TENM2: variants seen among roughly 807,000 people sequenced by gnomAD.
TENM2 encodes the protein teneurin transmembrane protein 2.
A neutral mutation model predicts 245.2 loss-of-function variants in TENM2; 52 were observed. The ratio of observed to expected loss-of-function variants is 0.21; its 90% confidence interval spans 0.17 to 0.27. The LOEUF is 0.27. TENM2 is among the 10% of genes least tolerant of loss of function. The probability of loss-of-function intolerance (pLI) is 1.00; values close to 1 mark genes in which losing one functional copy is unlikely to be tolerated. For synonymous variants in TENM2, 1,363 were observed against 1,438.9 expected (o/e 0.95, Z 1.19); for missense variants, 3,046 against 3,666.8 (o/e 0.83, Z 4.37).
chr5:167,576,332 T>C (rs1774682085), intron 2 of TENM2, among the ~76,000 whole-genome samples: 1 of 15,628 alleles, frequency 6.4e-5, no homozygotes, highest in Admixed American at 7.4e-4. Context: ...GAAAAGAGCA[T>C]TTTTTTTTTT....
At chr5:168,221,057 A>G (rs891811048) in intron 23 of TENM2, among the ~76,000 whole-genome samples, 1 of 151,848 alleles carries the variant, frequency 6.6e-6, no homozygotes, top group African/African-American at 2.4e-5. Flanking sequence ...GGTTGCAGTG[A>G]GTTGAGATCA....
chr5:167,120,922 C>T, the TENM2 span, among the ~76,000 whole-genome samples: 10 of 152,174 alleles, frequency 6.6e-5, no homozygotes, highest in Non-Finnish European at 8.8e-5. Flanking sequence ...AGCAGAAGTA[C>T]TTATGCCTCA....
chr5:168,230,028 A>C (rs948020827), intron 25 of TENM2, among the ~76,000 whole-genome samples: 2 of 152,220 alleles, frequency 1.3e-5, no homozygotes, highest in African/African-American at 2.4e-5. Flanking sequence ...TTCCAAATAA[A>C]GATAAATGTG....
chr5:167,824,370 G>T (rs1767786498), intron 2 of TENM2, among the ~76,000 whole-genome samples: 1 of 152,250 alleles, frequency 6.6e-6, no homozygotes. Context: ...TGAGGGCTGA[G>T]AGAGGAAAGC....
At chr5:167,106,784 G>A in the TENM2 span, among the ~76,000 whole-genome samples, 1 of 151,910 alleles carries the variant, frequency 6.6e-6, no homozygotes. Context: ...GAAGAGGGTG[G>A]GGGAGGGAAG....
In TENM2 at chr5:168,206,214, A is replaced by G. The variant is rs77357755; in HGVS notation, c.3824+1593A>G. On this transcript the variant is annotated intron_variant, in intron 19 of 28. Transcript: ENST00000518659. ...CTCTGAGGCCCTGTCTGGGAGAAAT[A>G]TCAGTGGCCTGCCCCCAGCAACTGC... Among the ~76,000 whole-genome samples the G allele has an allele frequency of 5.8e-3, 885 of 152,320 alleles. 11 individuals are homozygous for G. Among genetic ancestry groups the G allele is most frequent in the African/African-American group, 0.019 (793 of 41,576 alleles).
At chr5:167,189,049 A>T in the TENM2 span, among the ~76,000 whole-genome samples, 1 of 152,114 alleles carries the variant, frequency 6.6e-6, no homozygotes, top group African/African-American at 2.4e-5. Flanking sequence ...GTATGCAGTA[A>T]TTCACACCAT....
intron 2 of TENM2, among the ~76,000 whole-genome samples, chr5:167,733,508 C>G (rs1012006672): frequency 2.0e-5 from 3 of 152,166 alleles, no homozygotes; most frequent in Non-Finnish European, 4.4e-5. Flanking sequence ...TATTCCAAAG[C>G]TGCTGTTTTA....
At chr5:167,787,271 T>C (rs1764646093) in intron 2 of TENM2, among the ~76,000 whole-genome samples, 1 of 152,214 alleles carries the variant, frequency 6.6e-6, no homozygotes. Context: ...CTAATTTTTC[T>C]AAAGGCATTG....
chr5:168,127,488 A>G (rs1282167829), intron 12 of TENM2, among the ~76,000 whole-genome samples: 1 of 152,166 alleles, frequency 6.6e-6, no homozygotes, highest in East Asian at 1.9e-4. Flanking sequence ...CTCTGGTCCC[A>G]TTTTATTCTC....
chr5:167,355,202 G>A (rs756867931), intron 1 of TENM2, among the ~76,000 whole-genome samples: 2 of 152,168 alleles, frequency 1.3e-5, no homozygotes, highest in East Asian at 1.9e-4. Flanking sequence ...AGTGGTGCCC[G>A]TGGGTCTGTG....
intron 13 of TENM2, among the ~76,000 whole-genome samples, chr5:168,170,797 C>A (rs1012855008): frequency 6.7e-4 from 102 of 151,848 alleles, no homozygotes; most frequent in Admixed American, 4.0e-3. Context: ...GTGGTTTTGG[C>A]CATTGAAAGC....
At position 167,746,858 on chromosome 5, in the gene TENM2, A is replaced by G. The variant is rs968295624; in HGVS notation, c.503-129128A>G. Among the ~76,000 whole-genome samples the G allele has an allele frequency of 2.0e-5, 3 of 152,148 alleles. No homozygotes were observed. The South Asian group carries it at 6.2e-4, about 31-fold the overall frequency. On this transcript the variant is annotated intron_variant, in intron 2 of 28. Transcript: ENST00000518659. ...TGTGTGCGTGTGTGTGCATACACAC[A>G]TAAAATCTTCCTGGAAGCTTATAGA...
intron 2 of TENM2, among the ~76,000 whole-genome samples, chr5:167,781,299 T>TCTA (rs1764170723): frequency 6.6e-6 from 1 of 152,174 alleles, no homozygotes; most frequent in Admixed American, 6.5e-5. Flanking sequence ...CCCTAAGACA[T>TCTA]AGAGACAAGG....
At chr5:167,943,538 T>C (rs902220410) in intron 3 of TENM2, among the ~76,000 whole-genome samples, 4 of 152,194 alleles carry the variant, frequency 2.6e-5, no homozygotes, top group African/African-American at 9.7e-5. Context: ...AAACATATTA[T>C]CTTTCATGGG....
At chr5:167,760,393 A>T (rs924091098) in intron 2 of TENM2, among the ~76,000 whole-genome samples, 2 of 152,230 alleles carry the variant, frequency 1.3e-5, no homozygotes, top group South Asian at 4.1e-4. Flanking sequence ...GGCATTGGAC[A>T]TAGGAGGAAG....
chr5:167,291,277 T>C (rs934651878), intron 1 of TENM2, among the ~76,000 whole-genome samples: 3 of 152,240 alleles, frequency 2.0e-5, no homozygotes, highest in African/African-American at 7.2e-5. Flanking sequence ...CCACTATTTC[T>C]GCTTCTGAAA....
intron 1 of TENM2, among the ~76,000 whole-genome samples, chr5:167,319,638 G>A (rs561892295): frequency 6.6e-6 from 1 of 152,238 alleles, no homozygotes; most frequent in East Asian, 1.9e-4. Context: ...CCAATAACAT[G>A]CATCTATTTG....
chr5:167,294,832 C>G (rs1374788398), intron 1 of TENM2, among the ~76,000 whole-genome samples: 1 of 152,238 alleles, frequency 6.6e-6, no homozygotes, highest in Non-Finnish European at 1.5e-5. Context: ...CCTCTGAAAG[C>G]TCTCACAATT....
Sources: gnomAD v4.1 joint callset for allele counts (sites outside exome capture counted in the v4.1 genomes callset) on GRCh38, gnomAD v4.1.1 for gene constraint, MANE v1.5 for transcripts, NCBI Gene and HGNC (gene_info 2026-07-23, HGNC 2026-07-21) for gene names.